The following CNTNAP5 variants were observed in gnomAD, a reference collection of about 807,000 sequenced individuals.
CNTNAP5 encodes contactin associated protein family member 5, also known as contactin-associated protein-like 5.
In CNTNAP5, 72 loss-of-function variants were observed where a neutral mutation model predicts 150.2. The ratio of observed to expected loss-of-function variants is 0.48; its 90% CI spans 0.40 to 0.58. CNTNAP5 has a LOEUF of 0.58. CNTNAP5 is among the 20% of genes least tolerant of loss of function. CNTNAP5 has a pLI of 0.00. For synonymous variants in CNTNAP5, 672 were observed against 619.8 expected (o/e 1.08, Z -1.25); for missense variants, 1,636 against 1,626.2 (o/e 1.01, Z -0.10).
chr2:124,674,509 C>CTCTTTCTTTCTTTCTTTCTCTTTCTT (rs1678892675), intron 13 of CNTNAP5, among the ~76,000 whole-genome samples: 3 of 115,366 alleles, frequency 2.6e-5, no homozygotes, highest in Non-Finnish European at 5.4e-5. Context: ...TTCTTTCTTT[C>CTCTTTCTTTCTTTCTTTCTCTTTCTT]TCTTTCTTTC....
chr2:124,583,040 A>T (rs1696450226), intron 11 of CNTNAP5, among the ~76,000 whole-genome samples: 1 of 152,168 alleles, frequency 6.6e-6, no homozygotes, highest in South Asian at 2.1e-4. Flanking sequence ...TGCCACATAA[A>T]CTTTTATAAC....
intron 12 of CNTNAP5, among the ~76,000 whole-genome samples, chr2:124,634,191 T>G (rs1382890832): frequency 6.6e-6 from 1 of 152,204 alleles, no homozygotes; most frequent in Admixed American, 6.5e-5. Flanking sequence ...GGCTGCAAAT[T>G]TTTCAAACCT....
chr2:124,864,210 AT>A (rs1007073568), intron 19 of CNTNAP5, among the ~76,000 whole-genome samples: 1 of 152,116 alleles, frequency 6.6e-6, no homozygotes, highest in African/African-American at 2.4e-5. Context: ...TCTTTCAAAC[AT>A]TTTTTTAAAT....
At chr2:124,041,939 G>A (rs761402560) in intron 1 of CNTNAP5, among the ~76,000 whole-genome samples, 1 of 152,214 alleles carries the variant, frequency 6.6e-6, no homozygotes, top group South Asian at 2.1e-4. Flanking sequence ...TCACCTCACT[G>A]CAACCACCAT....
At chr2:124,780,686 A>C (rs765988064) in intron 17 of CNTNAP5, among the ~76,000 whole-genome samples, 1 of 152,216 alleles carries the variant, frequency 6.6e-6, no homozygotes, top group Non-Finnish European at 1.5e-5. Flanking sequence ...GTTTGTCCAA[A>C]TCAGAGTTGT....
At position 124,524,925 on chromosome 2, in the gene CNTNAP5, A is replaced by T. The variant is rs557362974; in HGVS notation, c.1477+473A>T. On this transcript the variant is annotated intron_variant, in intron 9 of 23. Coordinates refer to ENST00000682447, the MANE Select transcript of CNTNAP5 (RefSeq NM_001367498.1). ...AGTCTCCTGTCCCCTCCTTCCCCAC[A>T]TCCCTAGAGGCCATGCTCGCAGAAA... 2.9e-4 allele frequency among the ~76,000 whole-genome samples: 44 copies of T among 152,240 alleles called. 1 individual carries two copies. The South Asian group carries it at 8.9e-3, about 31-fold the overall frequency.
chr2:124,425,633 G>C (rs1692220577), intron 4 of CNTNAP5, among the ~76,000 whole-genome samples: 1 of 130,280 alleles, frequency 7.7e-6, no homozygotes, highest in Non-Finnish European at 1.7e-5. Context: ...TTGCTCCTTA[G>C]AGTTCTATTC....
intron 21 of CNTNAP5, among the ~76,000 whole-genome samples, chr2:124,892,755 G>A (rs1024659449): frequency 1.3e-5 from 2 of 152,080 alleles, no homozygotes; most frequent in East Asian, 1.9e-4. Flanking sequence ...AGTATTTACC[G>A]AATTGAATTT....
chr2:124,179,658 C>T (rs2104677874), intron 1 of CNTNAP5, among the ~76,000 whole-genome samples: 1 of 152,232 alleles, frequency 6.6e-6, no homozygotes, highest in East Asian at 1.9e-4. Flanking sequence ...AAAATGCTTC[C>T]TTTAATTATA....
At chr2:124,739,736 C>A (rs1036009911) in intron 13 of CNTNAP5, among the ~76,000 whole-genome samples, 1 of 152,160 alleles carries the variant, frequency 6.6e-6, no homozygotes, top group East Asian at 1.9e-4. Flanking sequence ...CACACTTTGT[C>A]GAAGTCCTCC....
intron 13 of CNTNAP5, among the ~76,000 whole-genome samples, chr2:124,723,402 T>C (rs531044459): frequency 6.6e-6 from 1 of 152,326 alleles, no homozygotes; most frequent in East Asian, 1.9e-4. Context: ...ACATTCATTG[T>C]ATTCCTACCA....
chr2:124,401,975 C>T (rs542620982), intron 3 of CNTNAP5, among the ~76,000 whole-genome samples: 1 of 152,248 alleles, frequency 6.6e-6, no homozygotes, highest in African/African-American at 2.4e-5. Flanking sequence ...GTAACTTCTG[C>T]TGACAAGTTC....
At position 124,533,419 on chromosome 2, in the gene CNTNAP5, C is replaced by T. The variant is rs76278836; in HGVS notation, c.1649+5963C>T. ...TCTAAGAAATTCGTGTGTGATGCTG[C>T]TGCTACTGGGCTGGCCTGGTGGCCG... On this transcript the variant is annotated intron_variant, in intron 10 of 23. Coordinates refer to ENST00000682447, the MANE Select transcript of CNTNAP5 (RefSeq NM_001367498.1). 4.3e-3 allele frequency among the ~76,000 whole-genome samples: 657 copies of T among 152,294 alleles called. 7 individuals are homozygous for T. Among genetic ancestry groups the T allele is most frequent in the African/African-American group, 0.015 (635 of 41,550 alleles).
chr2:124,176,527 A>T (rs1209982121), intron 1 of CNTNAP5, among the ~76,000 whole-genome samples: 1 of 152,152 alleles, frequency 6.6e-6, no homozygotes, highest in East Asian at 1.9e-4. Flanking sequence ...AAGGCATACA[A>T]ATTTACTTGA....
chr2:124,647,902 A>C lies in CNTNAP5; in HGVS notation c.2021A>C (p.His674Pro), dbSNP rs1281217961. 1.2e-6 allele frequency: 2 copies of C among 1,610,996 alleles called. No individual in the cohort carries two copies. The highest frequency in any genetic ancestry group is 8.5e-7 in the Non-Finnish European group (1 of 1,178,822). Residue 674 changes from histidine (H) to proline (P), a missense_variant, in exon 13 of 24, where the codon CAC (histidine) becomes CCC (proline). Coordinates refer to ENST00000682447, the MANE Select transcript of CNTNAP5 (RefSeq NM_001367498.1). The part of the protein sequence containing the change: ...QLEAVIDGSE[H>P]CEQEVAYHCR... The stretch of plus-strand genomic sequence containing the variant: ...GAGGCCGTGATCGACGGCTCTGAGC[A>C]CTGTGAGCAGGAGGTGGCCTACCAC...
intron 1 of CNTNAP5, among the ~76,000 whole-genome samples, chr2:124,123,402 T>C (rs12621862): frequency 0.84 from 127,082 of 152,084 alleles, 53,383 homozygotes; most frequent in Non-Finnish European, 0.88. Context: ...ACAAAGCAGC[T>C]GGAAAGCTTG....
intron 21 of CNTNAP5, among the ~76,000 whole-genome samples, chr2:124,886,118 CT>C (rs572203374): frequency 6.5e-4 from 99 of 152,066 alleles, no homozygotes; most frequent in Non-Finnish European, 8.7e-4. Flanking sequence ...CAAAGAGATA[CT>C]TAAAGATGAT....
intron 3 of CNTNAP5, among the ~76,000 whole-genome samples, chr2:124,265,268 G>T (rs1687575685): frequency 6.6e-6 from 1 of 152,106 alleles, no homozygotes; most frequent in African/African-American, 2.4e-5. Flanking sequence ...TTCCAGCGCA[G>T]CTCATCCCTG....
At chr2:124,057,448 A>ATTTTTT (rs556571236) in intron 1 of CNTNAP5, among the ~76,000 whole-genome samples, 2,296 of 62,710 alleles carry the variant, frequency 0.037, 346 homozygotes, top group Non-Finnish European at 0.039. Flanking sequence ...CGGCCAGCTA[A>ATTTTTT]TTTTTTTTTT....
Sources: allele counts gnomAD v4.1 joint callset (sites outside exome capture counted in the v4.1 genomes callset), GRCh38; gene constraint gnomAD v4.1.1; transcripts MANE v1.5; gene names NCBI Gene and HGNC (gene_info 2026-07-23, HGNC 2026-07-21).